Variants in SLC8A1 observed in about 807,000 individuals in gnomAD.
SLC8A1 encodes sodium/calcium exchanger 1.
Under a neutral mutation model 68.3 loss-of-function variants are expected in SLC8A1, and 18 were observed. The ratio of observed to expected loss-of-function variants is 0.26; its 90% CI spans 0.18 to 0.39. SLC8A1 has a LOEUF of 0.39. Ranked by LOEUF, SLC8A1 falls within the 10% of genes least tolerant of loss-of-function variation. The probability of loss-of-function intolerance (pLI) is 1.00; values close to 1 mark genes in which losing one functional copy is unlikely to be tolerated. For missense variants in SLC8A1, 985 were observed against 1,156.7 expected, an observed-to-expected ratio of 0.85 and a Z score of 2.15; for synonymous variants, 475 against 415.5, an observed-to-expected ratio of 1.14 and a Z score of -1.74.
At chr2:40,395,234 C>G (rs1434622155) in intron 2 of SLC8A1, among the ~76,000 whole-genome samples, 2 of 152,152 alleles carry the variant, frequency 1.3e-5, no homozygotes, top group East Asian at 1.9e-4. Flanking sequence ...CCAACATCAA[C>G]AGTTTCATTT....
chr2:40,109,011 A>T (rs975871471), exon 8 of SLC8A1: 1 of 152,194 alleles, frequency 6.6e-6, no homozygotes, highest in Non-Finnish European at 1.5e-5. Flanking sequence ...GGAGGGTTGT[A>T]TAATTATTCT....
chr2:40,195,927 A>C (rs1207025649), intron 2 of SLC8A1: 1 of 152,020 alleles, frequency 6.6e-6, no homozygotes, highest in Non-Finnish European at 1.5e-5. Flanking sequence ...TAATAATATC[A>C]CTGGTAAGAG....
chr2:40,350,282 G>T (rs1670649074), intron 2 of SLC8A1, among the ~76,000 whole-genome samples: 1 of 152,044 alleles, frequency 6.6e-6, no homozygotes, highest in Non-Finnish European at 1.5e-5. Context: ...AGGAGTTCAA[G>T]ACCAACCTGG....
At chr2:40,245,869 A>G (rs2061800050) in intron 2 of SLC8A1, among the ~76,000 whole-genome samples, 1 of 152,154 alleles carries the variant, frequency 6.6e-6, no homozygotes, top group Non-Finnish European at 1.5e-5. Context: ...CTTTATATAC[A>G]TTACTTTCAT....
intron 2 of SLC8A1, among the ~76,000 whole-genome samples, chr2:40,424,312 T>C (rs998794157): frequency 1.3e-5 from 2 of 151,814 alleles, no homozygotes; most frequent in Non-Finnish European, 3.0e-5. Flanking sequence ...ACTCTCAGAA[T>C]TGAATTGCCA....
At chr2:40,407,005 A>G (rs550956968) in intron 2 of SLC8A1, among the ~76,000 whole-genome samples, 10 of 152,152 alleles carry the variant, frequency 6.6e-5, no homozygotes, top group African/African-American at 2.2e-4. Context: ...TAGGCTTACC[A>G]GGTTCTAGGC....
intron 2 of SLC8A1, chr2:40,208,485 G>C (rs1366269945): frequency 1.3e-5 from 2 of 152,166 alleles, no homozygotes; most frequent in Admixed American, 1.3e-4. Context: ...GGAATGGAGA[G>C]AGATTCTGGG....
At chr2:40,120,430 C>G (rs1002905640) in intron 7 of SLC8A1, among the ~76,000 whole-genome samples, 1 of 152,224 alleles carries the variant, frequency 6.6e-6, no homozygotes, top group African/African-American at 2.4e-5. Context: ...AGACTCTCGG[C>G]TCTTCCAACT....
intron 2 of SLC8A1, among the ~76,000 whole-genome samples, chr2:40,411,349 C>T (rs1306446104): frequency 6.6e-6 from 1 of 152,034 alleles, no homozygotes; most frequent in Non-Finnish European, 1.5e-5. Flanking sequence ...GTAAGGTTTT[C>T]TAACAACCAG....
chr2:40,117,853 A>G (rs943379519), intron 7 of SLC8A1, among the ~76,000 whole-genome samples: 1 of 152,158 alleles, frequency 6.6e-6, no homozygotes, highest in Non-Finnish European at 1.5e-5. Flanking sequence ...TACAGCATGT[A>G]AATATAGATC....
At chr2:40,387,881 G>A (rs1684067297) in intron 2 of SLC8A1, among the ~76,000 whole-genome samples, 1 of 145,172 alleles carries the variant, frequency 6.9e-6, no homozygotes. Flanking sequence ...AGGCTGCAGT[G>A]AGCCGAAATC....
chr2:40,133,900 G>A (rs1355019083), intron 7 of SLC8A1, among the ~76,000 whole-genome samples: 1 of 152,102 alleles, frequency 6.6e-6, no homozygotes, highest in Non-Finnish European at 1.5e-5. Flanking sequence ...CTAAAAGAAT[G>A]TCCAATGACT....
chr2:40,281,893 A>C (rs1575045034), intron 2 of SLC8A1, among the ~76,000 whole-genome samples: 1 of 152,282 alleles, frequency 6.6e-6, no homozygotes, highest in South Asian at 2.1e-4. Flanking sequence ...CTCTGTCTTC[A>C]CTTGAATTTT....
At chr2:40,162,908 C>T (rs1032156729) in intron 5 of SLC8A1, among the ~76,000 whole-genome samples, 1 of 152,154 alleles carries the variant, frequency 6.6e-6, no homozygotes, top group Admixed American at 6.5e-5. Flanking sequence ...AGATTTGGGT[C>T]TCTGGTACAG....
At chr2:40,354,621 G>T (rs767737487) in intron 2 of SLC8A1, among the ~76,000 whole-genome samples, 2 of 152,146 alleles carry the variant, frequency 1.3e-5, no homozygotes, top group Non-Finnish European at 2.9e-5. Context: ...TGCTTCTTCT[G>T]TAAGTTTACA....
intron 1 of SLC8A1, among the ~76,000 whole-genome samples, chr2:40,480,103 A>T (rs1468457839): frequency 6.6e-6 from 1 of 152,110 alleles, no homozygotes; most frequent in African/African-American, 2.4e-5. Context: ...TTAGATACTG[A>T]TTTTTTCTGG....
At chr2:40,240,667 C>A (rs947245240) in intron 2 of SLC8A1, among the ~76,000 whole-genome samples, 4 of 152,164 alleles carry the variant, frequency 2.6e-5, no homozygotes, top group Admixed American at 2.6e-4. Context: ...TAGAATAATT[C>A]ATTCCATAAA....
intron 2 of SLC8A1, among the ~76,000 whole-genome samples, chr2:40,364,716 T>G (rs6724743): frequency 0.12 from 18,588 of 152,112 alleles, 1,228 homozygotes; most frequent in East Asian, 0.2. Flanking sequence ...TTTCAGCCTT[T>G]CTTTCCCTCT....
intron 1 of SLC8A1, among the ~76,000 whole-genome samples, chr2:40,458,388 C>T (rs1039944510): frequency 6.6e-6 from 1 of 152,000 alleles, no homozygotes; most frequent in Non-Finnish European, 1.5e-5. Context: ...ATTTATTCCT[C>T]AGCATCTAGA....
Sources: allele counts gnomAD v4.1 joint callset (sites outside exome capture counted in the v4.1 genomes callset), GRCh38; gene constraint gnomAD v4.1.1; transcripts MANE v1.5; gene names NCBI Gene and HGNC (gene_info 2026-07-23, HGNC 2026-07-21).